RFNG: variants seen among roughly 807,000 people sequenced by gnomAD.
RFNG encodes RFNG O-fucosylpeptide 3-beta-N-acetylglucosaminyltransferase, also known as beta-1,3-N-acetylglucosaminyltransferase radical fringe.
A neutral mutation model predicts 29.6 loss-of-function variants in RFNG; 37 were observed. The observed-to-expected ratio is 1.25, with a 90% CI of 0.96 to 1.65. The LOEUF (loss-of-function observed/expected upper bound fraction) is 1.65, where lower values mean the gene tolerates loss of function less well. RFNG is among the 40% of genes most tolerant of loss of function. The pLI is 0.00. For synonymous variants in RFNG, 276 were observed against 197.3 expected, an observed-to-expected ratio of 1.40 and a Z score of -3.34; for missense variants, 546 against 457.0, an observed-to-expected ratio of 1.19 and a Z score of -1.78.
At chr17:82,050,912 C>A in intron 2 of RFNG, 148 bp from the exon 3 acceptor site, 1 of 1,398,580 alleles carries the variant, frequency 7.2e-7, no homozygotes, top group South Asian at 1.4e-5. Context: ...ACAGCCCTAG[C>A]CCTCACGCGC....
chr17:82,049,203 C>A, intron 6 of RFNG, 87 bp from the exon 7 acceptor site: 1 of 1,117,576 alleles, frequency 8.9e-7, no homozygotes, highest in Non-Finnish European at 1.3e-6. Flanking sequence ...GCTAGAGCCC[C>A]TTTGCCCACC....
At position 82,050,685 on chromosome 17, in the gene RFNG, G is replaced by T; in HGVS notation, c.396C>A (p.Asp132Glu). The T allele has an allele frequency of 6.2e-7, 1 of 1,613,232 alleles. No individual in the cohort carries two copies. Among genetic ancestry groups the T allele is most frequent in the Middle Eastern group, 1.6e-4 (1 of 6,062 alleles). ...ACTTGCGCCCGGACTCAATGAACTT[G>T]TCATACTCCACGGACATCTTGCAGC... Reference protein sequence around the residue: ...ALCCKMSVEYDKFIESGRKWF... With the variant: ...ALCCKMSVEYEKFIESGRKWF... The change falls in exon 3 of 8, where the codon GAC becomes GAA. Residue 132 changes from aspartate (D) to glutamate (E), a missense_variant. Asp to Glu is a conservative substitution (Grantham distance 45). Coordinates refer to ENST00000310496, the MANE Select transcript of RFNG (RefSeq NM_002917.2).
In RFNG at chr17:82,048,482, C is replaced by CG; in HGVS notation, c.*243dup. Reference sequence around the variant, plus strand: ...CGTGGGATCAACCTTGGGGCTGGGTCGGGGGGAGGGGCACTGCGGCCCTGG... The same window carrying CG: ...CGTGGGATCAACCTTGGGGCTGGGTCGGGGGGGAGGGGCACTGCGGCCCTGG... On this transcript the variant is annotated 3_prime_UTR_variant, in exon 8 of 8. Coordinates refer to ENST00000310496, the MANE Select transcript of RFNG (RefSeq NM_002917.2). 1 of 548,590 alleles carries CG rather than the reference C, an allele frequency of 1.8e-6. No individual in the cohort carries two copies. The highest frequency in any genetic ancestry group is 3.3e-6 in the Non-Finnish European group (1 of 302,940). 34.0% of individuals were successfully genotyped at this position (548,590 alleles called of 1,614,324 possible).
At position 82,051,667 on chromosome 17, in the gene RFNG, C is replaced by T; in HGVS notation, c.100G>A (p.Ala34Thr). Reference protein sequence around the residue: ...LLPLPLPRAPAPARTPAPAPR... With the variant: ...LLPLPLPRAPTPARTPAPAPR... ...GCCGGGGCGGGGGTCCGGGCCGGGGCGGGCGCGCGGGGCAGCGGCAGCGGC... is the reference window on the plus strand; with the variant it reads ...GCCGGGGCGGGGGTCCGGGCCGGGGTGGGCGCGCGGGGCAGCGGCAGCGGC... The change falls in exon 1 of 8, where the codon GCC (alanine) becomes ACC (threonine). Residue 34 changes from alanine to threonine, a missense_variant. Coordinates refer to ENST00000310496, the MANE Select transcript of RFNG (RefSeq NM_002917.2). The surrounding 1 kb of genome is among the most constrained non-coding windows in gnomAD (Gnocchi z 4.1). 2 of 997,038 alleles carry T rather than the reference C, an allele frequency of 2.0e-6. No homozygotes were observed. Among genetic ancestry groups the T allele is most frequent in the Non-Finnish European group, 2.4e-6 (2 of 838,622 alleles). The allele number at this position is 997,038 out of a possible 1,614,324, so 61.8% of individuals were successfully genotyped here. A position where few individuals can be genotyped will look rare whatever the true frequency, so the allele number is the denominator to read the frequency against.
At chr17:82,050,260 C>A in intron 4 of RFNG, 142 bp downstream of exon 4, 1 of 1,053,574 alleles carries the variant, frequency 9.5e-7, no homozygotes, top group Non-Finnish European at 1.3e-6. Context: ...CCTGAAACAC[C>A]ACATGCAAAC....
Position 82,051,222 on chromosome 17 carries a change from GGGCCGT to G in RFNG, c.316+66_316+71del, listed in dbSNP as rs2030507690. The G allele has an allele frequency of 3.0e-6, 4 of 1,311,538 alleles. No individual in the cohort carries two copies. The African/African-American group carries it at 6.1e-5, about 20-fold the overall frequency. The allele number at this position is 1,311,538 out of a possible 1,614,324, so 81.2% of individuals were successfully genotyped here. On this transcript the variant is annotated intron_variant, in intron 2 of 7. Transcript: ENST00000310496. This position sits in a 1 kb window ranked among gnomAD's most constrained non-coding sequence, Gnocchi z 4.1. ...GAGAAAGGCACCCACAGCAGCGAAG[GGGCCGT>G]GGCTTCGGAGCGAGAAAGGCTCGGG...
At position 82,050,568 on chromosome 17, in the gene RFNG, G is replaced by A. The variant is rs1351153706; in HGVS notation, c.420-13C>T. ...GTGGCAAAACCACCTGTGGGCGAGG[G>A]GAGTCCTGGGCACGAGGGCCTGGCA... On this transcript the variant is annotated splice_polypyrimidine_tract_variant and intron_variant, in intron 3 of 7. Transcript: ENST00000310496. 1.2e-6 allele frequency: 2 copies of A among 1,609,788 alleles called. No homozygotes were observed. The highest frequency in any genetic ancestry group is 1.7e-6 in the Non-Finnish European group (2 of 1,177,654).
rs775792172 is a variant in RFNG, at chr17:82,051,581, G to A, written c.186C>T (p.Ile62=). 6.6e-5 allele frequency: 89 copies of A among 1,340,338 alleles called. No individual in the cohort carries two copies. Among genetic ancestry groups the A allele is most frequent in the Non-Finnish European group, 7.8e-5 (81 of 1,042,720 alleles). The allele number at this position is 1,340,338 out of a possible 1,614,324, so 83.0% of individuals were successfully genotyped here. ...GGTTCTTCCGGGTGGTCTTGACGGC[G>A]ATGAAGACGTCGTCAGGCCGCAGGC... is the stretch of plus-strand genomic sequence containing the variant. The part of the protein sequence containing the change: ...APSLRPDDVF[I]AVKTTRKNHG... The change falls in exon 1 of 8, where the codon ATC becomes ATT. Residue 62 remains isoleucine (I), a synonymous_variant. Transcript: ENST00000310496. The surrounding 1 kb of genome is among the most constrained non-coding windows in gnomAD (Gnocchi z 4.1).
chr17:82,051,084 C>T lies in RFNG; in HGVS notation c.316+210G>A, dbSNP rs1013494282. On this transcript the variant is annotated intron_variant, in intron 2 of 7. Coordinates refer to ENST00000310496, the MANE Select transcript of RFNG (RefSeq NM_002917.2). The surrounding 1 kb of genome is among the most constrained non-coding windows in gnomAD (Gnocchi z 4.1). ...GGCACTAGCCCCACGCCCCGGGAAG[C>T]GGCTAGTGTGAGAGGCTGGTGGGGA... The T allele has an allele frequency of 1.5e-6, 2 of 1,367,090 alleles. No homozygotes were observed. Among genetic ancestry groups the T allele is most frequent in the Non-Finnish European group, 1.9e-6 (2 of 1,065,634 alleles). 84.7% of individuals were successfully genotyped at this position (1,367,090 alleles called of 1,614,324 possible).
rs773567691 is a variant in RFNG at position 82,048,725 on chromosome 17, G to A, written c.*1C>T. On this transcript the variant is annotated 3_prime_UTR_variant, in exon 8 of 8. Coordinates refer to ENST00000310496, the MANE Select transcript of RFNG (RefSeq NM_002917.2). ...GCAGCCCTGGGTCGGGGTGGTTGGT[G>A]TCACCGAGAGGTCGGGGCGCCCTGT... 8 of 1,612,030 alleles carry A rather than the reference G, an allele frequency of 5.0e-6. No homozygotes were observed. The East Asian group carries it at 1.3e-4, about 27-fold the overall frequency.
intron 6 of RFNG, chr17:82,049,334 C>T (rs1384378063): frequency 2.9e-6 from 2 of 700,540 alleles, no homozygotes; most frequent in Non-Finnish European, 5.2e-6. Flanking sequence ...CTGAAACCTC[C>T]AGGGCAAAGC....
At chr17:82,049,446 C>A in intron 6 of RFNG, 1 of 710,168 alleles carries the variant, frequency 1.4e-6, no homozygotes, top group Non-Finnish European at 2.5e-6. Flanking sequence ...GCCTCACTGG[C>A]CCGAGAACTG....
intron 6 of RFNG, 79 bp from the exon 7 acceptor site, chr17:82,049,195 T>C (rs1470306145): frequency 8.2e-7 from 1 of 1,212,634 alleles, no homozygotes; most frequent in Non-Finnish European, 1.2e-6. Flanking sequence ...GGAGCCCTGC[T>C]AGAGCCCCTT....
chr17:82,051,285 G>C lies in RFNG; in HGVS notation c.316+9C>G. Reference sequence around the variant, plus strand: ...ATCCCGCGGGCGCCGGGGAGTGGGGGACACTCACCGCCCTGGAGCTCGAGC... The same window carrying C: ...ATCCCGCGGGCGCCGGGGAGTGGGGCACACTCACCGCCCTGGAGCTCGAGC... On this transcript the variant is annotated intron_variant, in intron 2 of 7. Coordinates refer to ENST00000310496, the MANE Select transcript of RFNG (RefSeq NM_002917.2). This position sits in a 1 kb window ranked among gnomAD's most constrained non-coding sequence, Gnocchi z 4.1. 7.2e-7 allele frequency: 1 copy of C among 1,384,134 alleles called. No homozygotes were observed. Among genetic ancestry groups the C allele is most frequent in the Admixed American group, 3.3e-5 (1 of 30,528 alleles). The allele number at this position is 1,384,134 out of a possible 1,614,324, so 85.7% of individuals were successfully genotyped here. A position where few individuals can be genotyped will look rare whatever the true frequency, so the allele number is the denominator to read the frequency against.
In RFNG at chr17:82,051,053, G is replaced by T. The variant is rs904589902; in HGVS notation, c.316+241C>A. The T allele has an allele frequency of 1.4e-6, 2 of 1,387,652 alleles. No homozygotes were observed. Among genetic ancestry groups the T allele is most frequent in the African/African-American group, 2.9e-5 (2 of 68,234 alleles). 86.0% of individuals were successfully genotyped at this position (1,387,652 alleles called of 1,614,324 possible). ...GATTCCCTGCTGGCGCTTCTTCAGG[G>T]GACGTGGCACTAGCCCCACGCCCCG... On this transcript the variant is annotated intron_variant, in intron 2 of 7. Coordinates refer to ENST00000310496, the MANE Select transcript of RFNG (RefSeq NM_002917.2). This position sits in a 1 kb window ranked among gnomAD's most constrained non-coding sequence, Gnocchi z 4.1.
chr17:82,051,451 CG>C lies in RFNG; in HGVS notation c.267+48del, dbSNP rs1236323546. 9 of 1,331,578 alleles carry C rather than the reference CG, an allele frequency of 6.8e-6. No homozygotes were observed. Among genetic ancestry groups the C allele is most frequent in the Non-Finnish European group, 8.7e-6 (9 of 1,038,564 alleles). 82.5% of individuals were successfully genotyped at this position (1,331,578 alleles called of 1,614,324 possible). On this transcript the variant is annotated intron_variant, in intron 1 of 7. Coordinates refer to ENST00000310496, the MANE Select transcript of RFNG (RefSeq NM_002917.2). This position sits in a 1 kb window ranked among gnomAD's most constrained non-coding sequence, Gnocchi z 4.1. The stretch of plus-strand genomic sequence containing the variant: ...TGGGCCGGGCCTAGACCCTGGGAGG[CG>C]GGGCGGGTGGGCGTGGGGCTCGCCG...
rs998601442 is a variant in RFNG, at chr17:82,049,533, G to T, written c.828+144C>A. The T allele has an allele frequency of 4.2e-6, 4 of 950,366 alleles. No homozygotes were observed. The African/African-American group carries it at 4.8e-5, about 12-fold the overall frequency. The allele number at this position is 950,366 out of a possible 1,614,324, so 58.9% of individuals were successfully genotyped here. Reference sequence around the variant, plus strand: ...AGGACCCTGTGTCCAACAGGCCAAGGGGCCTGTCCAGGGTCCACCCCCAGC... The same window carrying T: ...AGGACCCTGTGTCCAACAGGCCAAGTGGCCTGTCCAGGGTCCACCCCCAGC... On this transcript the variant is annotated intron_variant, in intron 6 of 7. Coordinates refer to ENST00000310496, the MANE Select transcript of RFNG (RefSeq NM_002917.2).
rs1440673024 is a variant in RFNG, at chr17:82,048,570, G to T, written c.*156C>A. Reference sequence around the variant, plus strand: ...ATCACCGCAGCCCACCAGGGGCTGGGAGAGGGGGGGCTGCAGGCTAGCCAG... The same window carrying T: ...ATCACCGCAGCCCACCAGGGGCTGGTAGAGGGGGGGCTGCAGGCTAGCCAG... On this transcript the variant is annotated 3_prime_UTR_variant, in exon 8 of 8. Transcript: ENST00000310496. The T allele has an allele frequency of 1.5e-6, 1 of 653,216 alleles. No homozygotes were observed. The highest frequency in any genetic ancestry group is 1.8e-5 in the African/African-American group (1 of 55,238). 40.5% of individuals were successfully genotyped at this position (653,216 alleles called of 1,614,324 possible). A position where few individuals can be genotyped will look rare whatever the true frequency, so the allele number is the denominator to read the frequency against.
chr17:82,050,656 G>A lies in RFNG; in HGVS notation c.419+6C>T, dbSNP rs538517126. 23 of 1,612,780 alleles carry A rather than the reference G, an allele frequency of 1.4e-5. No homozygotes were observed. The highest frequency in any genetic ancestry group is 7.7e-5 in the South Asian group (7 of 91,080). On this transcript the variant is annotated splice_donor_region_variant and intron_variant, in intron 3 of 7. Coordinates refer to ENST00000310496, the MANE Select transcript of RFNG (RefSeq NM_002917.2). Reference sequence around the variant, plus strand: ...GCTCTCTGCGGGTCGGGTCAGCGCCGCGTACTTGCGCCCGGACTCAATGAA... The same window carrying A: ...GCTCTCTGCGGGTCGGGTCAGCGCCACGTACTTGCGCCCGGACTCAATGAA...
Sources: gnomAD v4.1 joint callset for allele counts on GRCh38, gnomAD v4.1.1 for gene constraint, Gnocchi (gnomAD v3.1) non-coding constraint, MANE v1.5 for transcripts, NCBI Gene and HGNC (gene_info 2026-07-23, HGNC 2026-07-21) for gene names.